The following ARHGAP15 variants were observed in gnomAD, a reference collection of about 807,000 sequenced individuals.
ARHGAP15 encodes the protein rho GTPase-activating protein 15.
ARHGAP15 carries 51 observed loss-of-function variants against 63.7 expected under a neutral mutation model. The observed-to-expected ratio is 0.80, with a 90% CI of 0.64 to 1.01. The LOEUF (loss-of-function observed/expected upper bound fraction) is 1.01, where lower values mean the gene tolerates loss of function less well. Among genes scored for constraint, ARHGAP15 ranks in the 50% least tolerant of loss-of-function variants. ARHGAP15 has a pLI of 0.00. For synonymous variants in ARHGAP15, 191 were observed against 193.8 expected, an observed-to-expected ratio of 0.99 and a Z score of 0.12; for missense variants, 560 against 564.6, an observed-to-expected ratio of 0.99 and a Z score of 0.08.
chr2:143,239,671 G>C (rs533916834), intron 5 of ARHGAP15, among the ~76,000 whole-genome samples: 1 of 152,010 alleles, frequency 6.6e-6, no homozygotes, highest in Non-Finnish European at 1.5e-5. Context: ...CCCACATATC[G>C]AGACCCTGTC....
chr2:143,745,944 T>G (rs1686147399), intron 13 of ARHGAP15, among the ~76,000 whole-genome samples: 1 of 152,206 alleles, frequency 6.6e-6, no homozygotes, highest in Non-Finnish European at 1.5e-5. Flanking sequence ...TTGTTCAAGT[T>G]GATCTTTCGT....
Position 143,236,081 on chromosome 2 carries a change from A to G in ARHGAP15, c.384+7413A>G. On this transcript the variant is annotated intron_variant, in intron 5 of 13. Transcript: ENST00000295095. ...GCTCTGCAATTTAGAACATCCATTCATTTATTCTCTCAACAGTTAACAACT... is the reference window on the plus strand; with the variant it reads ...GCTCTGCAATTTAGAACATCCATTCGTTTATTCTCTCAACAGTTAACAACT... 5 of 1,356,630 alleles carry G rather than the reference A, an allele frequency of 3.7e-6. No homozygotes were observed. The South Asian group carries it at 6.2e-5, about 17-fold the overall frequency. 84.0% of individuals were successfully genotyped at this position (1,356,630 alleles called of 1,614,324 possible).
chr2:143,485,785 T>C (rs1223692227), intron 8 of ARHGAP15, among the ~76,000 whole-genome samples: 1 of 152,188 alleles, frequency 6.6e-6, no homozygotes, highest in African/African-American at 2.4e-5. Context: ...AATATGTCAA[T>C]AGTACAAAAT....
chr2:143,514,807 C>T (rs4233567), intron 9 of ARHGAP15, among the ~76,000 whole-genome samples: 37,448 of 152,094 alleles, frequency 0.25, 5,785 homozygotes, highest in Non-Finnish European at 0.35. Flanking sequence ...GCTGAAGGGG[C>T]AGCAGCTCCC....
At chr2:143,436,691 G>C (rs2105092610) in intron 7 of ARHGAP15, among the ~76,000 whole-genome samples, 1 of 152,248 alleles carries the variant, frequency 6.6e-6, no homozygotes, top group East Asian at 1.9e-4. Context: ...TTGTTGTAAT[G>C]ATTAATTGAA....
At chr2:143,456,822 G>C (rs1197622311) in intron 8 of ARHGAP15, among the ~76,000 whole-genome samples, 1 of 63,618 alleles carries the variant, frequency 1.6e-5, no homozygotes, top group Non-Finnish European at 3.0e-5. Flanking sequence ...ATTAAATTGT[G>C]TACATGTGTT....
At chr2:143,502,985 C>T (rs1040115440) in intron 9 of ARHGAP15, among the ~76,000 whole-genome samples, 5 of 152,162 alleles carry the variant, frequency 3.3e-5, no homozygotes, top group Admixed American at 6.5e-5. Context: ...CCATGGACAT[C>T]GATCAGAGAT....
chr2:143,149,792 T>C (rs1364346594), intron 1 of ARHGAP15, among the ~76,000 whole-genome samples: 1 of 152,034 alleles, frequency 6.6e-6, no homozygotes, highest in East Asian at 1.9e-4. Context: ...CCAGGCTACA[T>C]ACACTGGCAT....
intron 11 of ARHGAP15, among the ~76,000 whole-genome samples, chr2:143,599,698 A>G (rs938922210): frequency 6.6e-6 from 1 of 152,156 alleles, no homozygotes; most frequent in African/African-American, 2.4e-5. Flanking sequence ...TAAATATCCA[A>G]TATTTTCACA....
intron 12 of ARHGAP15, among the ~76,000 whole-genome samples, chr2:143,669,814 G>T (rs1186324132): frequency 6.6e-6 from 1 of 152,198 alleles, no homozygotes; most frequent in East Asian, 1.9e-4. Flanking sequence ...TCTCAGACCT[G>T]AAGGACAGGG....
intron 11 of ARHGAP15, chr2:143,607,415 G>A (rs946956154): frequency 1.3e-5 from 2 of 152,112 alleles, no homozygotes; most frequent in Admixed American, 6.6e-5. Context: ...AAACATCAAT[G>A]CATTATCAAA....
chr2:143,644,414 G>A (rs1559099133), intron 12 of ARHGAP15, among the ~76,000 whole-genome samples: 1 of 152,070 alleles, frequency 6.6e-6, no homozygotes, highest in African/African-American at 2.4e-5. Flanking sequence ...CTTTGAGGAA[G>A]AGTTCTAGTT....
chr2:143,185,472 C>T (rs1264794456), intron 2 of ARHGAP15, among the ~76,000 whole-genome samples: 2 of 152,166 alleles, frequency 1.3e-5, no homozygotes, highest in Non-Finnish European at 2.9e-5. Flanking sequence ...TTCCTTCAAA[C>T]TGCAGTCTCC....
chr2:143,699,145 C>T (rs982383384), intron 12 of ARHGAP15, among the ~76,000 whole-genome samples: 12 of 151,944 alleles, frequency 7.9e-5, no homozygotes, highest in African/African-American at 1.5e-4. Flanking sequence ...GGTGTCATTT[C>T]GATTTTAATG....
rs994829961 is a variant in ARHGAP15 at position 143,490,043 on chromosome 2, A to G, written c.826+2548A>G. Among the ~76,000 whole-genome samples the G allele has an allele frequency of 3.9e-5, 6 of 152,278 alleles. No individual in the cohort carries two copies. The South Asian group carries it at 1.2e-3, about 32-fold the overall frequency. On this transcript the variant is annotated intron_variant, in intron 9 of 13. Transcript: ENST00000295095. Reference sequence around the variant, plus strand: ...GTGATGGAGTCTCGCTCTGTCGCCCAGGCTGGAGTGCAGTGGCGCAATCTC... The same window carrying G: ...GTGATGGAGTCTCGCTCTGTCGCCCGGGCTGGAGTGCAGTGGCGCAATCTC...
At chr2:143,384,504 A>C (rs1687185815) in intron 6 of ARHGAP15, among the ~76,000 whole-genome samples, 1 of 152,130 alleles carries the variant, frequency 6.6e-6, no homozygotes, top group Admixed American at 6.6e-5. Flanking sequence ...TGGAAAGGAA[A>C]AGCTTTACCA....
chr2:143,511,760 T>C (rs1477803837), intron 9 of ARHGAP15, among the ~76,000 whole-genome samples: 1 of 152,200 alleles, frequency 6.6e-6, no homozygotes, highest in Non-Finnish European at 1.5e-5. Flanking sequence ...CTCAAATGGA[T>C]TTCTATCATT....
At chr2:143,748,599 A>AT (rs1195377581) in intron 13 of ARHGAP15, among the ~76,000 whole-genome samples, 2 of 152,220 alleles carry the variant, frequency 1.3e-5, no homozygotes, top group Non-Finnish European at 2.9e-5. Flanking sequence ...GCACAGCTAA[A>AT]TGCTCTCTAC....
At chr2:143,580,540 A>AT (rs1338651293) in intron 11 of ARHGAP15, among the ~76,000 whole-genome samples, 1 of 151,894 alleles carries the variant, frequency 6.6e-6, no homozygotes, top group African/African-American at 2.4e-5. Context: ...TGCTTAGCCC[A>AT]TTTTTCAAAA....
Sources: allele counts gnomAD v4.1 joint callset (sites outside exome capture counted in the v4.1 genomes callset), GRCh38; gene constraint gnomAD v4.1.1; transcripts MANE v1.5; gene names NCBI Gene and HGNC (gene_info 2026-07-23, HGNC 2026-07-21).